The following MED13L variants were observed in gnomAD, a reference collection of about 807,000 sequenced individuals.
The protein encoded by MED13L is mediator complex subunit 13L, also known as mediator of RNA polymerase II transcription subunit 13-like.
MED13L carries 7 observed loss-of-function variants against 220.9 expected under a neutral mutation model. The ratio of observed to expected loss-of-function variants is 0.03; its 90% CI spans 0.02 to 0.06. The LOEUF is 0.06. Ranked by LOEUF, MED13L falls within the 10% of genes least tolerant of loss-of-function variation. The pLI is 1.00. For missense variants in MED13L, 1,965 were observed against 2,760.5 expected, an observed-to-expected ratio of 0.71 and a Z score of 6.46; for synonymous variants, 1,011 against 1,015.2, an observed-to-expected ratio of 1.00 and a Z score of 0.08.
At chr12:116,268,367 T>C (rs764162177) in intron 1 of MED13L, among the ~76,000 whole-genome samples, 20 of 152,318 alleles carry the variant, frequency 1.3e-4, no homozygotes, top group Non-Finnish European at 2.5e-4. Context: ...ATAGTCAGAA[T>C]TGTCAACATA....
intron 2 of MED13L, among the ~76,000 whole-genome samples, chr12:116,192,142 G>A (rs1399209014): frequency 6.6e-6 from 1 of 152,150 alleles, no homozygotes; most frequent in Non-Finnish European, 1.5e-5. Context: ...CAACGGAAGG[G>A]TGGTGGCTTT....
intron 1 of MED13L, among the ~76,000 whole-genome samples, chr12:116,267,902 G>T (rs911424208): frequency 4.6e-5 from 7 of 152,090 alleles, no homozygotes; most frequent in Non-Finnish European, 1.0e-4. Flanking sequence ...TCTTTAATAA[G>T]GAAATTCTAG....
At chr12:116,109,942 A>T (rs1873933466) in intron 3 of MED13L, among the ~76,000 whole-genome samples, 3 of 152,200 alleles carry the variant, frequency 2.0e-5, no homozygotes, top group Admixed American at 2.0e-4. Context: ...ATAACATATC[A>T]ACTGTAGTTC....
chr12:116,164,356 C>A (rs1388417192), intron 2 of MED13L, among the ~76,000 whole-genome samples: 1 of 152,074 alleles, frequency 6.6e-6, no homozygotes, highest in Non-Finnish European at 1.5e-5. Context: ...CTTCCTCAAC[C>A]AAAATCTTGT....
intron 2 of MED13L, among the ~76,000 whole-genome samples, chr12:116,118,559 G>A (rs1874727753): frequency 6.6e-6 from 1 of 152,132 alleles, no homozygotes; most frequent in Non-Finnish European, 1.5e-5. Flanking sequence ...TTAATTTGCT[G>A]ACCCTTTCAA....
chr12:116,009,065 T>C lies in MED13L; in HGVS notation c.1348A>G (p.Ser450Gly). ...GATGAAGATGATGATGGTCCTGCAC[T>C]GAACCCTGGTTGAGATACTGTGGGA... is the stretch of plus-strand genomic sequence containing the variant. ...RPPTVSQPGFSAGPSSSSSLP... is the reference protein window; with the variant it reads ...RPPTVSQPGFGAGPSSSSSLP... Residue 450 changes from serine (S) to glycine (G), a missense_variant, in exon 10 of 31, where the codon AGT becomes GGT. Physicochemically the swap from Ser to Gly is moderately conservative, Grantham distance 56 (BLOSUM62 0). Transcript: ENST00000281928. 1.2e-6 allele frequency: 2 copies of C among 1,614,130 alleles called. No homozygotes were observed. Among genetic ancestry groups the C allele is most frequent in the Non-Finnish European group, 8.5e-7 (1 of 1,180,006 alleles).
intron 2 of MED13L, among the ~76,000 whole-genome samples, chr12:116,157,061 CTAT>C (rs539187952): frequency 8.3e-4 from 126 of 152,274 alleles, no homozygotes; most frequent in African/African-American, 2.9e-3. Context: ...AGGACTTGTA[CTAT>C]AGCAGTCAAG....
At position 116,162,770 on chromosome 12, in the gene MED13L, CGTAA is replaced by C. The variant is rs1878983615; in HGVS notation, c.311-51262_311-51259del. On this transcript the variant is annotated intron_variant, in intron 2 of 30. Transcript: ENST00000281928. ...CCACTAATTTGTATATACAATTCCT[CGTAA>C]GTTATACTTTTATGTCAAGTGACTT... Among the ~76,000 whole-genome samples the C allele has an allele frequency of 3.3e-5, 5 of 152,146 alleles. No homozygotes were observed. In the South Asian group the frequency reaches 1.0e-3, roughly 31 times the overall value.
At chr12:116,055,964 A>G (rs993455971) in intron 4 of MED13L, among the ~76,000 whole-genome samples, 4 of 152,154 alleles carry the variant, frequency 2.6e-5, no homozygotes, top group Non-Finnish European at 4.4e-5. Context: ...ACTGACTTTA[A>G]TAAGATTCAC....
chr12:116,267,856 A>G (rs984742048), intron 1 of MED13L, among the ~76,000 whole-genome samples: 3 of 152,198 alleles, frequency 2.0e-5, no homozygotes, highest in Non-Finnish European at 2.9e-5. Flanking sequence ...TATTCCTTTG[A>G]GGAGTAAGAA....
chr12:116,123,442 C>G (rs1875267256), intron 2 of MED13L, among the ~76,000 whole-genome samples: 1 of 152,116 alleles, frequency 6.6e-6, no homozygotes, highest in Non-Finnish European at 1.5e-5. Flanking sequence ...TAAACTTCCT[C>G]TAGGACAATG....
In MED13L at chr12:116,005,986, C is replaced by A. The variant is rs1226259653; in HGVS notation, c.2352G>T (p.Arg784=). ...CAGCTCTGCCAGCAGCATTATCCTG[C>A]CGGACATCTGTAGGAAAGGAGGCAA... ...IFSSATKTDV[R]QDNAAGRAGS... Residue 784 remains arginine (R), a synonymous_variant, in exon 13 of 31, where the codon CGG becomes CGT. Transcript: ENST00000281928. The A allele has an allele frequency of 6.2e-7, 1 of 1,613,774 alleles. No homozygotes were observed. Among genetic ancestry groups the A allele is most frequent in the Admixed American group, 1.7e-5 (1 of 59,986 alleles).
At chr12:116,120,869 T>C (rs1875038369) in intron 2 of MED13L, among the ~76,000 whole-genome samples, 1 of 152,154 alleles carries the variant, frequency 6.6e-6, no homozygotes, top group Non-Finnish European at 1.5e-5. Context: ...GGGAGAATTT[T>C]CCTAAAATTT....
chr12:115,993,008 AAAC>A (rs1199012141), intron 16 of MED13L, among the ~76,000 whole-genome samples: 1 of 152,236 alleles, frequency 6.6e-6, no homozygotes, highest in Non-Finnish European at 1.5e-5. Context: ...ATTAAAAAAA[AAAC>A]AACAGTTAAA....
At chr12:116,031,090 A>T (rs909770580) in intron 4 of MED13L, among the ~76,000 whole-genome samples, 3 of 152,190 alleles carry the variant, frequency 2.0e-5, no homozygotes, top group African/African-American at 7.2e-5. Context: ...AATTATTTTT[A>T]AAACTCTTAG....
intron 1 of MED13L, among the ~76,000 whole-genome samples, chr12:116,273,164 C>G (rs971486827): frequency 1.3e-5 from 2 of 151,952 alleles, no homozygotes; most frequent in African/African-American, 4.8e-5. Context: ...ATTAGCCGGG[C>G]GTGGTGGCAC....
intron 2 of MED13L, among the ~76,000 whole-genome samples, chr12:116,205,651 G>T (rs190135338): frequency 6.6e-6 from 1 of 151,886 alleles, no homozygotes; most frequent in African/African-American, 2.4e-5. Flanking sequence ...AAGAAAATGG[G>T]TTACAAACAG....
chr12:116,042,971 T>C (rs1215482676), intron 4 of MED13L, among the ~76,000 whole-genome samples: 5 of 152,234 alleles, frequency 3.3e-5, no homozygotes, highest in South Asian at 2.1e-4. Context: ...TGTTAGCCGA[T>C]GTTCATGTTA....
chr12:116,149,115 C>T (rs1877821548), intron 2 of MED13L, among the ~76,000 whole-genome samples: 3 of 152,168 alleles, frequency 2.0e-5, no homozygotes, highest in Non-Finnish European at 4.4e-5. Context: ...CCAGAATAGG[C>T]TACCCTGCTC....
Sources: allele counts gnomAD v4.1 joint callset (sites outside exome capture counted in the v4.1 genomes callset), GRCh38; gene constraint gnomAD v4.1.1; transcripts MANE v1.5; gene names NCBI Gene and HGNC (gene_info 2026-07-23, HGNC 2026-07-21).